The following FAT3 variants were observed in gnomAD, a reference collection of about 807,000 sequenced individuals.
The protein encoded by FAT3 is FAT atypical cadherin 3.
Under a neutral mutation model 310.2 loss-of-function variants are expected in FAT3, and 95 were observed. That is an observed-to-expected ratio of 0.31 (90% CI 0.26 to 0.36). The LOEUF is 0.36. Ranked by LOEUF, FAT3 falls within the 10% of genes least tolerant of loss-of-function variation. The pLI is 1.00. For missense variants in FAT3, 5,408 were observed against 5,715.6 expected (o/e 0.95, Z 1.74); for synonymous variants, 2,314 against 2,192.9 (o/e 1.06, Z -1.54).
At chr11:92,312,360 T>G (rs1009638311) in intron 1 of FAT3, among the ~76,000 whole-genome samples, 1 of 152,202 alleles carries the variant, frequency 6.6e-6, no homozygotes, top group African/African-American at 2.4e-5. Flanking sequence ...TGCTTCCTCT[T>G]TAGTTGAATT....
chr11:92,228,301 C>T (rs1010629573), intron 1 of FAT3, among the ~76,000 whole-genome samples: 1 of 152,056 alleles, frequency 6.6e-6, no homozygotes, highest in Non-Finnish European at 1.5e-5. Context: ...TGGTCTCTGG[C>T]GGAGTCATTT....
intron 3 of FAT3, among the ~76,000 whole-genome samples, chr11:92,540,485 T>A (rs1292057379): frequency 1.3e-5 from 2 of 152,162 alleles, no homozygotes; most frequent in African/African-American, 4.8e-5. Context: ...AAAGCCTACT[T>A]TTTTGGAAAT....
chr11:92,597,291 T>C (rs1047952145), intron 3 of FAT3, among the ~76,000 whole-genome samples: 5 of 152,216 alleles, frequency 3.3e-5, no homozygotes, highest in African/African-American at 1.2e-4. Context: ...ACCTTACAAG[T>C]GACAGGCATT....
At chr11:92,754,740 C>T (rs1945942055) in intron 4 of FAT3, among the ~76,000 whole-genome samples, 1 of 146,036 alleles carries the variant, frequency 6.8e-6, no homozygotes, top group Non-Finnish European at 1.5e-5. Context: ...TGGTGGTGTG[C>T]ACTTGTAATC....
chr11:92,801,840 G>A lies in FAT3; in HGVS notation c.8827G>A (p.Val2943Ile), dbSNP rs751411965. ...GGAGAGCGACCCACCGGGCGAGGTG[G>A]TAGCCGTCCTCAGCACCTGGGACAG... is the stretch of plus-strand genomic sequence containing the variant. ...VKESDPPGEV[V>I]AVLSTWDRDT... The change falls in exon 10 of 28, where the codon GTA (valine) becomes ATA (isoleucine). Residue 2943 changes from valine to isoleucine, a missense_variant. By Grantham distance (29) the Val-to-Ile change is conservative (BLOSUM62 3). Around this residue, in one of 5 missense-constraint regions of FAT3, gnomAD observed 4,588 missense variants for 4,809.8 expected, o/e 0.95. Transcript: ENST00000525166. 2 of 1,613,984 alleles carry A rather than the reference G, an allele frequency of 1.2e-6. No individual in the cohort carries two copies.
chr11:92,356,386 G>A (rs1341179879), intron 2 of FAT3, among the ~76,000 whole-genome samples: 3 of 152,166 alleles, frequency 2.0e-5, no homozygotes, highest in Non-Finnish European at 4.4e-5. Flanking sequence ...CACAATATTT[G>A]TAGAGTGCTT....
chr11:92,884,733 A>G lies in FAT3; in HGVS notation c.12937+1340A>G, dbSNP rs1949760460. 2.6e-5 allele frequency among the ~76,000 whole-genome samples: 4 copies of G among 152,338 alleles called. No homozygotes were observed. The Middle Eastern group carries it at 0.01, about 389-fold the overall frequency. On this transcript the variant is annotated intron_variant, in intron 24 of 27. Transcript: ENST00000525166. ...AGGAACAGGAAGCAGCTCAGTGTAG[A>G]GGACAAGTAAAGGGTTACCCGAGAG...
rs1012300891 is a variant in FAT3, at chr11:92,761,777, A to G, written c.3670-79A>G. ...GATAGGATAGCATTGTCCGTGCATT[A>G]GAAGAAACACCCATAGGTTAACATG... On this transcript the variant is annotated intron_variant, in intron 4 of 27. Coordinates refer to ENST00000525166, the MANE Select transcript of FAT3 (RefSeq NM_001367949.2). 6.5e-5 allele frequency: 86 copies of G among 1,322,182 alleles called. 1 individual carries two copies. Among genetic ancestry groups the G allele is most frequent in the South Asian group, 3.5e-4 (25 of 71,666 alleles). The allele number at this position is 1,322,182 out of a possible 1,614,324, so 81.9% of individuals were successfully genotyped here.
chr11:92,339,448 T>TG (rs1948182142), intron 1 of FAT3, among the ~76,000 whole-genome samples: 1 of 152,208 alleles, frequency 6.6e-6, no homozygotes, highest in Admixed American at 6.5e-5. Flanking sequence ...ACGTTTTGTG[T>TG]GGGGTAACTG....
chr11:92,523,025 G>A (rs1953737388), intron 2 of FAT3, among the ~76,000 whole-genome samples: 1 of 152,084 alleles, frequency 6.6e-6, no homozygotes. Flanking sequence ...TTTGCAAACC[G>A]ATATTGGCTG....
intron 1 of FAT3, among the ~76,000 whole-genome samples, chr11:92,292,971 C>T: frequency 6.8e-6 from 1 of 147,936 alleles, no homozygotes; most frequent in East Asian, 2.0e-4. Context: ...AATGATTGCA[C>T]TTGTGAATAG....
Position 92,612,262 on chromosome 11 carries a change from C to T in FAT3, c.3608-85122C>T, listed in dbSNP as rs371704878. 5.3e-5 allele frequency among the ~76,000 whole-genome samples: 8 copies of T among 152,294 alleles called. No homozygotes were observed. In the South Asian group the frequency reaches 1.7e-3, roughly 32 times the overall value. ...AAATGACAATTGGTCACTTTTCTCT[C>T]CACCTCACCCCTGCGAAAATCTCCC... On this transcript the variant is annotated intron_variant, in intron 3 of 27. Coordinates refer to ENST00000525166, the MANE Select transcript of FAT3 (RefSeq NM_001367949.2).
At chr11:92,543,984 C>G (rs1200077842) in intron 3 of FAT3, among the ~76,000 whole-genome samples, 1 of 152,084 alleles carries the variant, frequency 6.6e-6, no homozygotes, top group South Asian at 2.1e-4. Flanking sequence ...TAGTTTCTTA[C>G]CCTTTATAGC....
At chr11:92,340,571 T>C (rs11604573) in intron 1 of FAT3, among the ~76,000 whole-genome samples, 16,534 of 152,188 alleles carry the variant, frequency 0.11, 975 homozygotes, top group South Asian at 0.16. Context: ...AAGAGGGGAT[T>C]GGAGGAGCAA....
At chr11:92,391,993 T>G (rs1420521815) in intron 2 of FAT3, among the ~76,000 whole-genome samples, 1 of 152,196 alleles carries the variant, frequency 6.6e-6, no homozygotes, top group Non-Finnish European at 1.5e-5. Context: ...TGGCTCAGAA[T>G]GCTCACTTGT....
At chr11:92,683,788 A>G (rs935453112) in intron 3 of FAT3, among the ~76,000 whole-genome samples, 2 of 152,166 alleles carry the variant, frequency 1.3e-5, no homozygotes, top group East Asian at 3.9e-4. Context: ...CCTTCCAACA[A>G]CTTTCTTTTT....
rs150194395 is a variant in FAT3, at chr11:92,362,478, A to T, written c.3292+7074A>T. ...TGTCTGACATCTCTTGGTTCCACCA[A>T]TGGGAACCTAAGAAAGAAGGAGAGC... On this transcript the variant is annotated intron_variant, in intron 2 of 27. Transcript: ENST00000525166. 1.2e-3 allele frequency among the ~76,000 whole-genome samples: 180 copies of T among 152,308 alleles called. 1 individual carries two copies. The East Asian group carries it at 0.012, about 10-fold the overall frequency.
At chr11:92,827,860 G>T (rs1041749325) in intron 13 of FAT3, among the ~76,000 whole-genome samples, 1 of 152,228 alleles carries the variant, frequency 6.6e-6, no homozygotes, top group South Asian at 2.1e-4. Flanking sequence ...TTCTCTGAAG[G>T]CCTGTCTGCT....
intron 2 of FAT3, among the ~76,000 whole-genome samples, chr11:92,364,304 A>G (rs1256109186): frequency 2.6e-5 from 4 of 152,044 alleles, no homozygotes; most frequent in African/African-American, 4.8e-5. Context: ...TATTTCTTCA[A>G]TTATCAAACA....
Sources: gnomAD v4.1 joint callset for allele counts (sites outside exome capture counted in the v4.1 genomes callset) on GRCh38, gnomAD v4.1.1 for gene constraint, gnomAD v4.1.1 regional missense constraint, MANE v1.5 for transcripts, NCBI Gene and HGNC (gene_info 2026-07-23, HGNC 2026-07-21) for gene names.